The following MYBPC2 variants were observed in gnomAD, a reference collection of about 807,000 sequenced individuals.
The protein encoded by MYBPC2 is myosin binding protein C2.
A neutral mutation model predicts 137.0 loss-of-function variants in MYBPC2; 122 were observed. That is an observed-to-expected ratio of 0.89 (90% CI 0.77 to 1.03). The LOEUF (loss-of-function observed/expected upper bound fraction) is 1.03. MYBPC2 is among the 50% of genes least tolerant of loss of function. The pLI, the probability that MYBPC2 is intolerant of heterozygous loss-of-function variation, is 0.00. For missense variants in MYBPC2, 1,500 were observed against 1,534.4 expected, an observed-to-expected ratio of 0.98 and a Z score of 0.37; for synonymous variants, 626 against 612.3, an observed-to-expected ratio of 1.02 and a Z score of -0.33.
Position 50,443,620 on chromosome 19 carries a change from T to C in MYBPC2, c.1027+2T>C, listed in dbSNP as rs1451928723. The C allele has an allele frequency of 3.1e-6, 5 of 1,613,512 alleles. No individual in the cohort carries two copies. Among genetic ancestry groups the C allele is most frequent in the Non-Finnish European group, 4.2e-6 (5 of 1,179,642 alleles). ...GTTTCACCGAGCTCTTCGTCAAAGG[T>C]GAGGCTGGAATTCAGAACTGAGCCT... On this transcript the variant is annotated splice_donor_variant, in intron 10 of 27. Transcript: ENST00000357701. LOFTEE classifies it high-confidence loss of function.
chr19:50,455,262 G>A lies in MYBPC2; in HGVS notation c.2169G>A (p.Gln723=). 1 of 1,613,762 alleles carries A rather than the reference G, an allele frequency of 6.2e-7. No individual in the cohort carries two copies. Among genetic ancestry groups the A allele is most frequent in the Non-Finnish European group, 8.5e-7 (1 of 1,179,838 alleles). ...VFAVNAIGVS[Q]PSMNTKPFMP... ...CCGTCAATGCTATAGGGGTCTCCCAGCCCAGCATGAACACCAAGCCTTTTA... is the reference window on the plus strand; with the variant it reads ...CCGTCAATGCTATAGGGGTCTCCCAACCCAGCATGAACACCAAGCCTTTTA... The change falls in exon 19 of 28, where the codon CAG becomes CAA. Residue 723 remains glutamine (Q), a synonymous_variant. Transcript: ENST00000357701.
chr19:50,464,640 C>T, intron 27 of MYBPC2, 108 bp downstream of exon 27: 1 of 1,252,112 alleles, frequency 8.0e-7, no homozygotes, highest in South Asian at 1.6e-5. Flanking sequence ...ACGAGTGAGA[C>T]CAGCCCTCTG....
At chr19:50,446,297 G>A (rs1046636064) in intron 12 of MYBPC2, among the ~76,000 whole-genome samples, 28 of 152,126 alleles carry the variant, frequency 1.8e-4, no homozygotes, top group Admixed American at 3.3e-4. Flanking sequence ...GATCACTTGA[G>A]CTTAGGAGTT....
At chr19:50,439,371 C>T (rs548267689) in intron 7 of MYBPC2, among the ~76,000 whole-genome samples, 1 of 148,974 alleles carries the variant, frequency 6.7e-6, no homozygotes, top group East Asian at 2.1e-4. Flanking sequence ...CACTTACTCA[C>T]CATTCTGTAC....
rs1445212160 is a variant in MYBPC2, at chr19:50,455,567, C to T, written c.2261C>T (p.Thr754Ile). ...IVEDVTDTTTTLKWRPPNRIG... is the reference protein window; with the variant it reads ...IVEDVTDTTTILKWRPPNRIG... ...GAGGATGTGACAGACACCACCACCA[C>T]ACTCAAGTGGAGGCCTCCGAACAGG... is the stretch of plus-strand genomic sequence containing the variant. Residue 754 changes from threonine to isoleucine, a missense_variant, in exon 20 of 28, where the codon ACA becomes ATA. Physicochemically the swap from Thr to Ile is moderately conservative, Grantham distance 89 (BLOSUM62 -1). Transcript: ENST00000357701. 1 of 1,614,010 alleles carries T rather than the reference C, an allele frequency of 6.2e-7. No homozygotes were observed. Among genetic ancestry groups the T allele is most frequent in the East Asian group, 2.2e-5 (1 of 44,884 alleles).
rs1279804644 is a variant in MYBPC2 at position 50,465,966 on chromosome 19, A to G, written c.3416-229A>G. 1.3e-5 allele frequency among the ~76,000 whole-genome samples: 2 copies of G among 152,206 alleles called. No individual in the cohort carries two copies. The highest frequency in any genetic ancestry group is 2.9e-5 in the Non-Finnish European group (2 of 68,036). On this transcript the variant is annotated intron_variant, in intron 27 of 27. Coordinates refer to ENST00000357701, the MANE Select transcript of MYBPC2 (RefSeq NM_004533.4). This position sits in a 1 kb window ranked among gnomAD's most constrained non-coding sequence, Gnocchi z 4.5. ...AGAAAAATCCCAGCCTCAGGATTCCAGTGACCGCGTACAGCCAGCAGCTCA... is the reference window on the plus strand; with the variant it reads ...AGAAAAATCCCAGCCTCAGGATTCCGGTGACCGCGTACAGCCAGCAGCTCA...
intron 8 of MYBPC2, among the ~76,000 whole-genome samples, chr19:50,441,859 A>AAAAAT (rs769002509): frequency 0.028 from 4,172 of 150,734 alleles, 140 homozygotes; most frequent in African/African-American, 0.081. Flanking sequence ...AAATAAAATA[A>AAAAAT]AAAATAAAAT....
rs907545300 is a variant in MYBPC2, at chr19:50,435,403, C to T, written c.109+153C>T. 2.0e-5 allele frequency among the ~76,000 whole-genome samples: 3 copies of T among 152,218 alleles called. No homozygotes were observed. Among genetic ancestry groups the T allele is most frequent in the Admixed American group, 6.5e-5 (1 of 15,284 alleles). On this transcript the variant is annotated intron_variant, in intron 2 of 27. Transcript: ENST00000357701. The surrounding 1 kb of genome is among the most constrained non-coding windows in gnomAD (Gnocchi z 4.8). ...ACGCCTCCCGTGCTCCCAGCCCTCCCGGGGCTCCCTGGCACCCGCAGGCAG... is the reference window on the plus strand; with the variant it reads ...ACGCCTCCCGTGCTCCCAGCCCTCCTGGGGCTCCCTGGCACCCGCAGGCAG...
rs2040008204 is a variant in MYBPC2 at position 50,465,540 on chromosome 19, G to GGTC, written c.3416-655_3416-654insGTC. On this transcript the variant is annotated intron_variant, in intron 27 of 27. Transcript: ENST00000357701. The surrounding 1 kb of genome is among the most constrained non-coding windows in gnomAD (Gnocchi z 4.5). ...GGGTGGCTGGGGACCCTTAACAAAG[G>GGTC]CTCAGAGAGGACACTTTCTAGCCAA... Among the ~76,000 whole-genome samples, 1 of 152,172 alleles carries GGTC rather than the reference G, an allele frequency of 6.6e-6. No homozygotes were observed. Among genetic ancestry groups the GGTC allele is most frequent in the South Asian group, 2.1e-4 (1 of 4,836 alleles).
chr19:50,459,195 G>T lies in MYBPC2; in HGVS notation c.2680G>T (p.Asp894Tyr). ...SRVHVRTSDFDTVFFVRQAAR... is the reference protein window; with the variant it reads ...SRVHVRTSDFYTVFFVRQAAR... ...CGTGCACGTGCGGACCAGCGACTTC[G>T]ACACCGTGTTCTTCGTGCGCCAGGC... Residue 894 changes from aspartate to tyrosine, a missense_variant, in exon 23 of 28, where the codon GAC (aspartate) becomes TAC (tyrosine). Asp to Tyr is a radical substitution (Grantham distance 160, BLOSUM62 -3). Coordinates refer to ENST00000357701, the MANE Select transcript of MYBPC2 (RefSeq NM_004533.4). 2 of 1,609,670 alleles carry T rather than the reference G, an allele frequency of 1.2e-6. No individual in the cohort carries two copies. The highest frequency in any genetic ancestry group is 1.7e-6 in the Non-Finnish European group (2 of 1,179,140).
chr19:50,440,312 C>G (rs1371968872), intron 7 of MYBPC2, among the ~76,000 whole-genome samples: 1 of 111,848 alleles, frequency 8.9e-6, no homozygotes, highest in African/African-American at 3.6e-5. Flanking sequence ...TTCCCAATAA[C>G]CTGTGGAAAT....
chr19:50,452,496 GTATGTATGTATGTATC>G (rs1338226693), intron 16 of MYBPC2, among the ~76,000 whole-genome samples: 36 of 51,952 alleles, frequency 6.9e-4, no homozygotes, highest in African/African-American at 4.1e-4. Flanking sequence ...ATGTATGTAT[GTATGTATGTATGTATC>G]TATCTATCTA....
chr19:50,459,773 T>G (rs1601297248), intron 23 of MYBPC2, among the ~76,000 whole-genome samples: 1 of 113,712 alleles, frequency 8.8e-6, no homozygotes. Context: ...GGAGGAGAGA[T>G]GAAGATGGGG....
chr19:50,433,442 C>A (rs2039675234), intron 1 of MYBPC2, among the ~76,000 whole-genome samples: 1 of 149,510 alleles, frequency 6.7e-6, no homozygotes, highest in South Asian at 2.1e-4. Context: ...TCTCGCTCTG[C>A]CCCCGGGGCT....
intron 26 of MYBPC2, among the ~76,000 whole-genome samples, chr19:50,462,385 T>A (rs901328528): frequency 1.3e-5 from 2 of 152,036 alleles, no homozygotes; most frequent in African/African-American, 4.8e-5. Flanking sequence ...GGTCTTGCTA[T>A]GTTGTCCAGG....
chr19:50,462,065 G>T (rs369384708), intron 26 of MYBPC2, 29 bp downstream of exon 26: 5 of 1,559,764 alleles, frequency 3.2e-6, no homozygotes, highest in Non-Finnish European at 4.3e-6. Flanking sequence ...AGATCTGCGT[G>T]TGTGTTGCCT....
intron 26 of MYBPC2, among the ~76,000 whole-genome samples, chr19:50,463,938 CAAAAA>C (rs5828433): frequency 1.5e-5 from 2 of 131,140 alleles, no homozygotes. Context: ...GATTCTGTCT[CAAAAA>C]AAAAAAAAAA....
In MYBPC2 at chr19:50,437,733, T is replaced by C; in HGVS notation, c.572+15T>C. On this transcript the variant is annotated intron_variant, in intron 7 of 27. Coordinates refer to ENST00000357701, the MANE Select transcript of MYBPC2 (RefSeq NM_004533.4). ...TTGAAGAAGAGGTGAGCCCCGGACT[T>C]GGCACAGAGAGGGGAGATGGGACTC... 4 of 1,597,134 alleles carry C rather than the reference T, an allele frequency of 2.5e-6. No individual in the cohort carries two copies. The highest frequency in any genetic ancestry group is 3.4e-6 in the Non-Finnish European group (4 of 1,171,872).
Position 50,454,150 on chromosome 19 carries a change from A to T in MYBPC2, c.1880A>T (p.Asp627Val), listed in dbSNP as rs780892799. ...AAGGTCACCAACCCCGTCGGCGAGG[A>T]CGTGGCTTCCATCTTCCTGCAAGTT... is the stretch of plus-strand genomic sequence containing the variant. ...TIKVTNPVGE[D>V]VASIFLQVVD... Residue 627 changes from aspartate (D) to valine (V), a missense_variant, in exon 17 of 28, where the codon GAC becomes GTC. Asp to Val is a radical substitution (Grantham distance 152). Coordinates refer to ENST00000357701, the MANE Select transcript of MYBPC2 (RefSeq NM_004533.4). The T allele has an allele frequency of 1.2e-6, 2 of 1,613,680 alleles. No individual in the cohort carries two copies. The highest frequency in any genetic ancestry group is 2.7e-5 in the African/African-American group (2 of 74,908).
Sources: allele counts gnomAD v4.1 joint callset (sites outside exome capture counted in the v4.1 genomes callset), GRCh38; gene constraint gnomAD v4.1.1; non-coding constraint Gnocchi (gnomAD v3.1); transcripts MANE v1.5; gene names NCBI Gene and HGNC (gene_info 2026-07-23, HGNC 2026-07-21).